The following PPM1H variants were observed in gnomAD, a reference collection of about 807,000 sequenced individuals.
PPM1H encodes the protein protein phosphatase 1H.
In PPM1H, 27 loss-of-function variants were observed where a neutral mutation model predicts 54.9. That is an observed-to-expected ratio of 0.49 (90% CI 0.36 to 0.68). The LOEUF (loss-of-function observed/expected upper bound fraction) is 0.68, where lower values mean the gene tolerates loss of function less well. Among genes scored for constraint, PPM1H ranks in the 30% least tolerant of loss-of-function variants. The probability of loss-of-function intolerance (pLI) is 0.00; values close to 1 mark genes in which losing one functional copy is unlikely to be tolerated. For missense variants in PPM1H, 596 were observed against 667.8 expected (o/e 0.89, Z 1.19); for synonymous variants, 305 against 270.8 (o/e 1.13, Z -1.24).
intron 1 of PPM1H, among the ~76,000 whole-genome samples, chr12:62,893,714 T>C (rs559661641): frequency 5.8e-4 from 88 of 152,276 alleles, no homozygotes; most frequent in African/African-American, 2.0e-3. Flanking sequence ...CTTGAGCTTC[T>C]GGCCTCAAGT....
chr12:62,794,400 A>G (rs557179395), intron 3 of PPM1H, among the ~76,000 whole-genome samples: 29 of 152,286 alleles, frequency 1.9e-4, no homozygotes, highest in Admixed American at 1.8e-3. Context: ...GTCACCATGT[A>G]TTTATAAGGT....
chr12:62,650,708 A>G (rs1446315329), intron 9 of PPM1H, among the ~76,000 whole-genome samples: 2 of 152,008 alleles, frequency 1.3e-5, no homozygotes, highest in African/African-American at 4.8e-5. Flanking sequence ...CATGTCTTAC[A>G]TGGCAGCGGG....
chr12:62,723,940 C>A (rs2076276534), intron 5 of PPM1H, among the ~76,000 whole-genome samples: 1 of 152,106 alleles, frequency 6.6e-6, no homozygotes, highest in African/African-American at 2.4e-5. Context: ...AGGAAGAATT[C>A]CCCTTACTCC....
chr12:62,688,309 G>A (rs1487345078), intron 8 of PPM1H, among the ~76,000 whole-genome samples: 1 of 152,114 alleles, frequency 6.6e-6, no homozygotes, highest in East Asian at 1.9e-4. Flanking sequence ...GAAATGCAGA[G>A]ACGCTACAGC....
At chr12:62,755,668 C>A in intron 4 of PPM1H, 1 of 661,272 alleles carries the variant, frequency 1.5e-6, no homozygotes. Flanking sequence ...AGATCATCAG[C>A]ATGCCTCCTG....
chr12:62,706,999 A>G (rs2076178622), intron 6 of PPM1H, among the ~76,000 whole-genome samples: 1 of 152,198 alleles, frequency 6.6e-6, no homozygotes, highest in Non-Finnish European at 1.5e-5. Flanking sequence ...TTTGACGTTC[A>G]AAGTGCTCAG....
intron 1 of PPM1H, among the ~76,000 whole-genome samples, chr12:62,838,883 T>G (rs1464009880): frequency 1.3e-5 from 1 of 77,440 alleles, no homozygotes; most frequent in African/African-American, 7.1e-5. Flanking sequence ...ATCGCGCCAC[T>G]GCACTCCAGC....
chr12:62,789,771 T>C (rs1340152938), intron 3 of PPM1H, among the ~76,000 whole-genome samples: 1 of 152,214 alleles, frequency 6.6e-6, no homozygotes, highest in Non-Finnish European at 1.5e-5. Flanking sequence ...AAAGTTTGTG[T>C]TGTTACCTGC....
intron 1 of PPM1H, among the ~76,000 whole-genome samples, chr12:62,917,618 T>C (rs1871664589): frequency 6.6e-6 from 1 of 152,192 alleles, no homozygotes; most frequent in South Asian, 2.1e-4. Context: ...TTTCAAATCA[T>C]CCTTTCTGGA....
At chr12:62,760,901 C>T (rs1422986772) in intron 4 of PPM1H, among the ~76,000 whole-genome samples, 1 of 152,234 alleles carries the variant, frequency 6.6e-6, no homozygotes, top group East Asian at 1.9e-4. Context: ...ACACACCAGT[C>T]ATACTCTGCT....
At chr12:62,890,470 A>G (rs913044243) in intron 1 of PPM1H, among the ~76,000 whole-genome samples, 17 of 152,210 alleles carry the variant, frequency 1.1e-4, no homozygotes, top group East Asian at 3.9e-4. Flanking sequence ...TTTCTGCTCA[A>G]TTTTGTTGTG....
At chr12:62,903,400 T>A (rs1871215637) in intron 1 of PPM1H, among the ~76,000 whole-genome samples, 1 of 152,310 alleles carries the variant, frequency 6.6e-6, no homozygotes, top group African/African-American at 2.4e-5. Flanking sequence ...CCCTGAAATG[T>A]TATTTTAAGA....
At chr12:62,788,009 G>T (rs1361656669) in intron 4 of PPM1H, among the ~76,000 whole-genome samples, 2 of 152,134 alleles carry the variant, frequency 1.3e-5, no homozygotes, top group Non-Finnish European at 2.9e-5. Context: ...GAATACTACT[G>T]GTTTAGATTT....
chr12:62,895,141 C>T (rs980040826), intron 1 of PPM1H, among the ~76,000 whole-genome samples: 5 of 152,184 alleles, frequency 3.3e-5, no homozygotes, highest in Non-Finnish European at 1.5e-5. Context: ...GTCTATTTAG[C>T]GGGGCATCCC....
At chr12:62,933,069 C>T (rs1872199290) in intron 1 of PPM1H, among the ~76,000 whole-genome samples, 1 of 152,084 alleles carries the variant, frequency 6.6e-6, no homozygotes, top group African/African-American at 2.4e-5. Context: ...TTGGAAGTTA[C>T]AATGCTATTT....
At chr12:62,717,821 C>T (rs1271661415) in intron 6 of PPM1H, among the ~76,000 whole-genome samples, 2 of 152,148 alleles carry the variant, frequency 1.3e-5, no homozygotes, top group South Asian at 2.1e-4. Flanking sequence ...ATTAAAGTGA[C>T]GATGCCTATT....
chr12:62,917,554 T>C (rs1871663081), intron 1 of PPM1H, among the ~76,000 whole-genome samples: 1 of 152,214 alleles, frequency 6.6e-6, no homozygotes, highest in Admixed American at 6.5e-5. Flanking sequence ...ACCACCATGA[T>C]TTTGTTTGCT....
chr12:62,743,248 G>A (rs2076392367), intron 4 of PPM1H, among the ~76,000 whole-genome samples: 1 of 152,124 alleles, frequency 6.6e-6, no homozygotes, highest in East Asian at 1.9e-4. Context: ...AGCTACTTGG[G>A]AGGCTGAGGC....
At chr12:62,907,129 G>T (rs1871324473) in intron 1 of PPM1H, among the ~76,000 whole-genome samples, 2 of 152,154 alleles carry the variant, frequency 1.3e-5, no homozygotes, top group Non-Finnish European at 2.9e-5. Flanking sequence ...CTTTTTGAAA[G>T]GCTGATATTA....
Sources: gnomAD v4.1 joint callset for allele counts (sites outside exome capture counted in the v4.1 genomes callset) on GRCh38, gnomAD v4.1.1 for gene constraint, MANE v1.5 for transcripts, NCBI Gene and HGNC (gene_info 2026-07-23, HGNC 2026-07-21) for gene names.